SNX13: variants seen among roughly 807,000 people sequenced by gnomAD.
SNX13 encodes the protein sorting nexin-13.
A neutral mutation model predicts 133.6 loss-of-function variants in SNX13; 45 were observed. The ratio of observed to expected loss-of-function variants is 0.34; its 90% CI spans 0.27 to 0.43. SNX13 has a LOEUF of 0.43. Ranked by LOEUF, SNX13 falls within the 20% of genes least tolerant of loss-of-function variation. The pLI, the probability that SNX13 is intolerant of heterozygous loss-of-function variation, is 1.00. For missense variants in SNX13, 1,032 were observed against 1,145.1 expected (o/e 0.90, Z 1.43); for synonymous variants, 414 against 373.9 (o/e 1.11, Z -1.24).
intron 5 of SNX13, among the ~76,000 whole-genome samples, chr7:17,884,742 A>G (rs146114426): frequency 1.1e-3 from 164 of 152,324 alleles, no homozygotes; most frequent in African/African-American, 3.6e-3. Flanking sequence ...TAGAAAATAT[A>G]CAAATGACCA....
chr7:17,829,481 G>A (rs930411730), intron 16 of SNX13, among the ~76,000 whole-genome samples: 8 of 151,434 alleles, frequency 5.3e-5, no homozygotes, highest in African/African-American at 1.9e-4. Context: ...CATTAAGGAT[G>A]TAGTTGCTGT....
At chr7:17,903,722 A>C (rs1568815) in intron 1 of SNX13, among the ~76,000 whole-genome samples, 68,260 of 152,010 alleles carry the variant, frequency 0.45, 15,844 homozygotes, top group South Asian at 0.67. Context: ...TAACCCATAA[A>C]ATTTGTCAGC....
intron 9 of SNX13, among the ~76,000 whole-genome samples, chr7:17,856,022 G>C (rs1263730238): frequency 1.3e-5 from 2 of 152,194 alleles, no homozygotes; most frequent in African/African-American, 4.8e-5. Context: ...ATTGGCAGTT[G>C]ATTCCAATCT....
chr7:17,883,340 T>C (rs145228800), intron 5 of SNX13, among the ~76,000 whole-genome samples: 28 of 152,202 alleles, frequency 1.8e-4, no homozygotes, highest in African/African-American at 6.3e-4. Flanking sequence ...GGAAAAAACA[T>C]AACATGGGGC....
chr7:17,805,065 C>T (rs1389286262), intron 20 of SNX13, among the ~76,000 whole-genome samples: 1 of 152,120 alleles, frequency 6.6e-6, no homozygotes, highest in Non-Finnish European at 1.5e-5. Flanking sequence ...ACATCCAACC[C>T]TAGAAGAGAC....
intron 20 of SNX13, among the ~76,000 whole-genome samples, chr7:17,808,859 C>T (rs1785638502): frequency 6.6e-6 from 1 of 152,086 alleles, no homozygotes; most frequent in South Asian, 2.1e-4. Flanking sequence ...CCCAACTAAG[C>T]TTCATAAGTG....
At chr7:17,819,019 G>T (rs1276850215) in intron 18 of SNX13, among the ~76,000 whole-genome samples, 4 of 152,128 alleles carry the variant, frequency 2.6e-5, no homozygotes, top group Non-Finnish European at 4.4e-5. Context: ...AGTCTGTCTT[G>T]TTCTCTCATA....
At chr7:17,812,743 C>T (rs1786195635) in intron 20 of SNX13, among the ~76,000 whole-genome samples, 1 of 152,160 alleles carries the variant, frequency 6.6e-6, no homozygotes, top group African/African-American at 2.4e-5. Flanking sequence ...TTGGAACCAA[C>T]TCAAATGCCC....
In SNX13 at chr7:17,828,256, C is replaced by G. The variant is rs151295193; in HGVS notation, c.1635+1754G>C. Among the ~76,000 whole-genome samples the G allele has an allele frequency of 1.6e-3, 247 of 151,766 alleles. 2 individuals carry two copies. In the East Asian group the frequency reaches 0.045, roughly 28 times the overall value. On this transcript the variant is annotated intron_variant, in intron 16 of 25. Coordinates refer to ENST00000428135, the MANE Select transcript of SNX13 (RefSeq NM_015132.5). ...TGGTAAAATAATATTTACAAAACTA[C>G]ATTTGATTTAGGAATATATTAAAAG...
chr7:17,878,161 C>G (rs1794935524), intron 5 of SNX13, among the ~76,000 whole-genome samples: 1 of 152,028 alleles, frequency 6.6e-6, no homozygotes, highest in Non-Finnish European at 1.5e-5. Context: ...CTCTTAGTAT[C>G]AATTATTCTT....
At chr7:17,878,532 G>A (rs1228489665) in intron 5 of SNX13, among the ~76,000 whole-genome samples, 4 of 152,142 alleles carry the variant, frequency 2.6e-5, no homozygotes, top group Non-Finnish European at 4.4e-5. Context: ...GTGTCTCTCT[G>A]AACATAAATT....
chr7:17,904,434 A>C (rs73310146), intron 1 of SNX13, among the ~76,000 whole-genome samples: 3,801 of 152,078 alleles, frequency 0.025, 154 homozygotes, highest in African/African-American at 0.087. Context: ...ATTTAGGCCT[A>C]GGTTATCAGT....
chr7:17,933,921 A>AT (rs1801716764), intron 1 of SNX13, among the ~76,000 whole-genome samples: 1 of 152,204 alleles, frequency 6.6e-6, no homozygotes, highest in African/African-American at 2.4e-5. Context: ...GAAAGGTGCT[A>AT]TTACCCCAAT....
At chr7:17,893,584 G>C in intron 2 of SNX13, 150 bp from the exon 3 acceptor site, 2 of 597,460 alleles carry the variant, frequency 3.3e-6, no homozygotes, top group Non-Finnish European at 2.9e-6. Context: ...GAAATTGACA[G>C]ATTGTATTAG....
At chr7:17,893,058 G>A (rs1480106264) in intron 3 of SNX13, among the ~76,000 whole-genome samples, 1 of 152,224 alleles carries the variant, frequency 6.6e-6, no homozygotes, top group East Asian at 1.9e-4. Flanking sequence ...GAAATACTAT[G>A]ATAAGACAGC....
chr7:17,903,407 C>T (rs1172528853), intron 1 of SNX13, among the ~76,000 whole-genome samples: 2 of 152,116 alleles, frequency 1.3e-5, no homozygotes, highest in Non-Finnish European at 2.9e-5. Flanking sequence ...AAATCATACA[C>T]CTCAGAACAA....
Position 17,850,357 on chromosome 7 carries a change from T to C in SNX13, c.1055A>G (p.Gln352Arg). 6.3e-7 allele frequency: 1 copy of C among 1,593,514 alleles called. No homozygotes were observed. Among genetic ancestry groups the C allele is most frequent in the South Asian group, 1.1e-5 (1 of 87,020 alleles). Residue 352 changes from glutamine to arginine, a missense_variant, in exon 11 of 26, where the codon CAG (glutamine) becomes CGG (arginine). Gln to Arg is a conservative substitution (Grantham distance 43). Transcript: ENST00000428135. Reference protein sequence around the residue: ...KVCDSRIQRLQSGKEINTVKL... With the variant: ...KVCDSRIQRLRSGKEINTVKL... ...AACTACTTTACTTACTTTGCCTGAC[T>C]GCAATCGCTGTATTCTTGAGTCACA...
intron 9 of SNX13, among the ~76,000 whole-genome samples, chr7:17,858,279 A>C (rs1289762638): frequency 1.3e-5 from 2 of 152,254 alleles, no homozygotes; most frequent in East Asian, 3.9e-4. Context: ...GAAAAACCTA[A>C]AGATTCCAAA....
intron 1 of SNX13, among the ~76,000 whole-genome samples, chr7:17,928,540 G>C (rs1407927677): frequency 6.6e-6 from 1 of 151,948 alleles, no homozygotes. Context: ...TGACTCTCAA[G>C]GTTTTTTAAA....
Sources: gnomAD v4.1 joint callset for allele counts (sites outside exome capture counted in the v4.1 genomes callset) on GRCh38, gnomAD v4.1.1 for gene constraint, MANE v1.5 for transcripts, NCBI Gene and HGNC (gene_info 2026-07-23, HGNC 2026-07-21) for gene names.